Variants in NLGN4Y observed in about 807,000 individuals in gnomAD.
NLGN4Y encodes the protein neuroligin-4, Y-linked.
Under a neutral mutation model 8.4 loss-of-function variants are expected in NLGN4Y, and 4 were observed. The ratio of observed to expected loss-of-function variants is 0.48; its 90% CI spans 0.23 to 1.09. NLGN4Y has a LOEUF of 1.09. Among genes scored for constraint, NLGN4Y ranks in the 50% least tolerant of loss-of-function variants. The pLI is 0.19. For missense variants in NLGN4Y, 90 were observed against 192.3 expected (o/e 0.47, Z 3.15); for synonymous variants, 35 against 75.6 (o/e 0.46, Z 2.78).
chrY:14,653,191 G>A (rs2080635704), intron 2 of NLGN4Y, among the ~76,000 whole-genome samples: 3 of 31,762 alleles, frequency 9.4e-5, no homozygotes, highest in East Asian at 8.2e-4. Context: ...AGTAAAAAGC[G>A]TTCAAAATAA....
intron 4 of NLGN4Y, among the ~76,000 whole-genome samples, chrY:14,820,096 C>T: frequency 3.0e-5 from 1 of 33,033 alleles, no homozygotes; most frequent in Admixed American, 2.8e-4. Flanking sequence ...GTTGTGCTCG[C>T]CAAAGCAGCA....
intron 4 of NLGN4Y, among the ~76,000 whole-genome samples, chrY:14,798,084 TCA>T (rs2043018873): frequency 3.0e-5 from 1 of 33,649 alleles, no homozygotes; most frequent in South Asian, 6.5e-4. Context: ...AAATTTAAAT[TCA>T]CAGTTATTTT....
At chrY:14,704,142 A>G in intron 2 of NLGN4Y, among the ~76,000 whole-genome samples, 1 of 33,044 alleles carries the variant, frequency 3.0e-5, no homozygotes. Flanking sequence ...CTAATTGAAT[A>G]CCATTTATTT....
intron 4 of NLGN4Y, among the ~76,000 whole-genome samples, chrY:14,811,372 A>G: frequency 3.0e-5 from 1 of 33,625 alleles, no homozygotes; most frequent in African/African-American, 1.2e-4. Context: ...TCACTTCTTT[A>G]GTTTAAAGGT....
intron 4 of NLGN4Y, among the ~76,000 whole-genome samples, chrY:14,798,005 A>G (rs2043018483): frequency 3.0e-5 from 1 of 33,813 alleles, no homozygotes; most frequent in Non-Finnish European, 7.3e-5. Flanking sequence ...TTGTTTAGCA[A>G]AATGTTTGAG....
chrY:14,688,236 C>G (rs2080798731), intron 2 of NLGN4Y, among the ~76,000 whole-genome samples: 1 of 33,043 alleles, frequency 3.0e-5, no homozygotes, highest in Non-Finnish European at 7.5e-5. Flanking sequence ...GTCTGAAGTT[C>G]AAGAGAGAAA....
At chrY:14,769,821 A>G (rs566621263) in intron 4 of NLGN4Y, among the ~76,000 whole-genome samples, 110 of 33,268 alleles carry the variant, frequency 3.3e-3, no homozygotes, top group African/African-American at 0.012. Context: ...CACTACCAGC[A>G]CAGAAGCCTG....
chrY:14,580,686 A>G (rs2080315635), intron 1 of NLGN4Y, among the ~76,000 whole-genome samples: 2 of 29,903 alleles, frequency 6.7e-5, no homozygotes, highest in African/African-American at 2.6e-4. Flanking sequence ...AGGGATTGTG[A>G]GATACAGCAG....
intron 1 of NLGN4Y, among the ~76,000 whole-genome samples, chrY:14,569,568 G>T (rs2080262495): frequency 2.1e-4 from 7 of 33,282 alleles, no homozygotes; most frequent in African/African-American, 8.2e-4. Context: ...GAATATTACT[G>T]CAGTGAACAT....
intron 1 of NLGN4Y, among the ~76,000 whole-genome samples, chrY:14,562,588 A>T (rs2080234305): frequency 3.0e-5 from 1 of 33,493 alleles, no homozygotes; most frequent in African/African-American, 1.2e-4. Flanking sequence ...GTCTGTGAAA[A>T]AGACAGTGGT....
chrY:14,613,925 T>C (rs552720069), intron 1 of NLGN4Y, among the ~76,000 whole-genome samples: 5 of 34,053 alleles, frequency 1.5e-4, no homozygotes, highest in African/African-American at 5.7e-4. Flanking sequence ...TATAGGAGCA[T>C]GATTTATAAT....
At chrY:14,756,408 T>A in intron 4 of NLGN4Y, among the ~76,000 whole-genome samples, 1 of 32,863 alleles carries the variant, frequency 3.0e-5, no homozygotes, top group African/African-American at 1.2e-4. Context: ...GATTCCACTG[T>A]TCCTATGGAG....
At chrY:14,828,848 G>A (rs931111145) in intron 5 of NLGN4Y, among the ~76,000 whole-genome samples, 1 of 33,236 alleles carries the variant, frequency 3.0e-5, no homozygotes, top group Non-Finnish European at 7.4e-5. Flanking sequence ...ACGGCCTGCC[G>A]TCTCTTGTCC....
At chrY:14,759,391 C>T (rs2081073581) in intron 4 of NLGN4Y, among the ~76,000 whole-genome samples, 32 of 32,699 alleles carry the variant, frequency 9.8e-4, no homozygotes, top group Non-Finnish European at 1.7e-3. Context: ...AGCTCCTCCT[C>T]CCAAGTTCAC....
chrY:14,671,700 G>A, intron 2 of NLGN4Y, among the ~76,000 whole-genome samples: 1 of 30,959 alleles, frequency 3.2e-5, no homozygotes, highest in African/African-American at 1.3e-4. Context: ...TACAAAATTA[G>A]CCAGGTATGG....
upstream of NLGN4Y, among the ~76,000 whole-genome samples, chrY:14,523,102 T>C: frequency 6.1e-5 from 2 of 32,755 alleles, no homozygotes; most frequent in African/African-American, 1.2e-4. Flanking sequence ...TTTTTCCTTT[T>C]ATTATTATTA....
chrY:14,524,830 G>A (rs2080085866), intron 1 of NLGN4Y, 122 bp downstream of exon 1: 1 of 120,225 alleles, frequency 8.3e-6, no homozygotes, highest in African/African-American at 9.5e-5. Flanking sequence ...TTTTCCAGGA[G>A]GCCGATCTAC....
chrY:14,772,090 A>G, intron 4 of NLGN4Y, among the ~76,000 whole-genome samples: 1 of 33,587 alleles, frequency 3.0e-5, no homozygotes. Flanking sequence ...AGATAGAGAC[A>G]TGAAAAACCC....
Position 14,835,439 on chromosome Y carries a change from A to C in NLGN4Y, c.1661+4920A>C, listed in dbSNP as rs767937793. Reference sequence around the variant, plus strand: ...AATCAAGAAAGGAGTAAAGGAAGGGAGGAAGTAAGGAAAGAAAGAGGGAAG... The same window carrying C: ...AATCAAGAAAGGAGTAAAGGAAGGGCGGAAGTAAGGAAAGAAAGAGGGAAG... On this transcript the variant is annotated intron_variant, in intron 6 of 6. Coordinates refer to ENST00000684976, the MANE Select transcript of NLGN4Y (RefSeq NM_001365588.1). 1.3e-4 allele frequency among the ~76,000 whole-genome samples: 3 copies of C among 23,912 alleles called. No homozygotes were observed. The South Asian group carries it at 3.7e-3, about 29-fold the overall frequency. 64.2% of individuals were successfully genotyped at this position (23,912 alleles called of 37,273 possible). A position where few individuals can be genotyped will look rare whatever the true frequency, so the allele number is the denominator to read the frequency against.
Sources: allele counts gnomAD v4.1 joint callset (sites outside exome capture counted in the v4.1 genomes callset), GRCh38; gene constraint gnomAD v4.1.1; transcripts MANE v1.5; gene names NCBI Gene and HGNC (gene_info 2026-07-23, HGNC 2026-07-21).